Variants in LYZL4 observed in about 807,000 individuals in gnomAD.
LYZL4 encodes the protein lysozyme-like protein 4.
Under a neutral mutation model 17.6 loss-of-function variants are expected in LYZL4, and 13 were observed. The ratio of observed to expected loss-of-function variants is 0.74; its 90% CI spans 0.48 to 1.18. The LOEUF (loss-of-function observed/expected upper bound fraction) is 1.18, where lower values mean the gene tolerates loss of function less well. Ranked by LOEUF, LYZL4 falls within the 50% of genes most tolerant of loss-of-function variation. LYZL4 has a pLI of 0.00. For missense variants in LYZL4, 174 were observed against 188.2 expected (o/e 0.92, Z 0.44); for synonymous variants, 64 against 67.7 (o/e 0.95, Z 0.27).
chr3:42,389,803 T>C, the LYZL4 span, among the ~76,000 whole-genome samples: 1 of 152,154 alleles, frequency 6.6e-6, no homozygotes, highest in Admixed American at 6.5e-5. Flanking sequence ...GCCTTCCTAC[T>C]TATAGGAATC....
intron 4 of LYZL4, among the ~76,000 whole-genome samples, chr3:42,400,843 G>C (rs1237576394): frequency 6.6e-6 from 1 of 152,152 alleles, no homozygotes; most frequent in Non-Finnish European, 1.5e-5. Context: ...GGGTAGTGTA[G>C]GCCTGCCATC....
At position 42,404,046 on chromosome 3, in the gene LYZL4, C is replaced by G; in HGVS notation, c.371G>C (p.Trp124Ser). The G allele has an allele frequency of 1.3e-6, 2 of 1,598,106 alleles. No homozygotes were observed. The highest frequency in any genetic ancestry group is 1.7e-6 in the Non-Finnish European group (2 of 1,165,958). Residue 124 changes from tryptophan (W) to serine (S), a missense_variant and splice_region_variant, in exon 4 of 5, where the codon TGG becomes TCG. Physicochemically the swap from Trp to Ser is radical, Grantham distance 177. Transcript: ENST00000287748. ...GGCTACATAAAAATGTAAGACTTAC[C>G]ATGCTCCCATCCCTTCTTTTCCTTT... is the stretch of plus-strand genomic sequence containing the variant. ...IVKGKEGMGA[W>S]PTWSRYCQYS...
At chr3:42,390,874 A>G in the LYZL4 span, among the ~76,000 whole-genome samples, 2 of 152,218 alleles carry the variant, frequency 1.3e-5, no homozygotes, top group African/African-American at 4.8e-5. Context: ...AAGATGAATC[A>G]GCATGCCAGA....
chr3:42,376,611 G>T, the LYZL4 span, among the ~76,000 whole-genome samples: 1 of 152,228 alleles, frequency 6.6e-6, no homozygotes, highest in Admixed American at 6.5e-5. Flanking sequence ...CTGAGGGCCA[G>T]ACCCCAACGA....
At chr3:42,368,918 C>T in the LYZL4 span, among the ~76,000 whole-genome samples, 14 of 152,326 alleles carry the variant, frequency 9.2e-5, no homozygotes, top group African/African-American at 3.4e-4. Flanking sequence ...TTATTGGCCA[C>T]TTGTGGTTCT....
downstream of LYZL4, among the ~76,000 whole-genome samples, chr3:42,396,721 G>T (rs866395429): frequency 5.3e-5 from 8 of 152,330 alleles, no homozygotes; most frequent in Middle Eastern, 3.4e-3. Context: ...GCAAATATGT[G>T]TTATTTATAA....
At chr3:42,361,230 C>T in the LYZL4 span, among the ~76,000 whole-genome samples, 1 of 152,010 alleles carries the variant, frequency 6.6e-6, no homozygotes, top group Admixed American at 6.6e-5. Context: ...ATACGATATA[C>T]ACTATTCTGC....
chr3:42,391,463 C>G, the LYZL4 span, among the ~76,000 whole-genome samples: 1 of 152,010 alleles, frequency 6.6e-6, no homozygotes, highest in Non-Finnish European at 1.5e-5. Context: ...ATAGGTGGCC[C>G]AAAAGACAGT....
At position 42,398,609 on chromosome 3, in the gene LYZL4, C is replaced by T. The variant is rs1274259343; in HGVS notation, c.372-1275G>A. Among the ~76,000 whole-genome samples, 3 of 152,070 alleles carry T rather than the reference C, an allele frequency of 2.0e-5. No homozygotes were observed. In the East Asian group the frequency reaches 5.8e-4, roughly 29 times the overall value. ...CCATTTAAAAAATATAAACCTGAGT[C>T]CCTACACCTCACTTTTTATACCAAA... On this transcript the variant is annotated intron_variant, in intron 4 of 4. Transcript: ENST00000287748.
At chr3:42,383,439 CAA>C in the LYZL4 span, among the ~76,000 whole-genome samples, 3,060 of 108,822 alleles carry the variant, frequency 0.028, 79 homozygotes, top group East Asian at 0.072. Context: ...TGATTTCCAC[CAA>C]AAAAAAAAAA....
intron 3 of LYZL4, among the ~76,000 whole-genome samples, chr3:42,406,549 G>A (rs1219140794): frequency 1.4e-5 from 2 of 147,030 alleles, no homozygotes; most frequent in Non-Finnish European, 3.0e-5. Flanking sequence ...CTCTGCTCCC[G>A]CCCTTCAGGC....
At chr3:42,377,625 C>CTGTGTGTGTG in the LYZL4 span, among the ~76,000 whole-genome samples, 1,505 of 143,748 alleles carry the variant, frequency 0.01, 11 homozygotes, top group African/African-American at 0.019. Flanking sequence ...GCATGACTCT[C>CTGTGTGTGTG]TGTGTGTGTG....
intron 3 of LYZL4, among the ~76,000 whole-genome samples, chr3:42,405,188 A>G (rs1026072070): frequency 6.6e-6 from 1 of 152,164 alleles, no homozygotes; most frequent in Non-Finnish European, 1.5e-5. Flanking sequence ...AGCTGGGACT[A>G]TAGGCGCCTG....
At chr3:42,366,274 C>A in the LYZL4 span, among the ~76,000 whole-genome samples, 1 of 152,158 alleles carries the variant, frequency 6.6e-6, no homozygotes, top group Non-Finnish European at 1.5e-5. Flanking sequence ...TTGACCTGAT[C>A]TTTTCAGAAT....
downstream of LYZL4, among the ~76,000 whole-genome samples, chr3:42,392,930 T>G (rs1698504387): frequency 6.6e-6 from 1 of 152,022 alleles, no homozygotes; most frequent in South Asian, 2.1e-4. Flanking sequence ...TTCCAGGTGA[T>G]GAACTCAAGG....
chr3:42,394,848 G>A (rs1698530295), downstream of LYZL4, among the ~76,000 whole-genome samples: 1 of 152,198 alleles, frequency 6.6e-6, no homozygotes, highest in South Asian at 2.1e-4. Flanking sequence ...GCAGCGCGCT[G>A]GATTTGGCAC....
At chr3:42,402,318 T>TC in intron 4 of LYZL4, among the ~76,000 whole-genome samples, 1 of 146,540 alleles carries the variant, frequency 6.8e-6, no homozygotes, top group East Asian at 1.9e-4. Context: ...TTCTTTTCTT[T>TC]CTTTTTTTTT....
chr3:42,376,010 C>G, the LYZL4 span, among the ~76,000 whole-genome samples: 1 of 152,294 alleles, frequency 6.6e-6, no homozygotes, highest in East Asian at 1.9e-4. Context: ...CAGAATGGCA[C>G]CGCCTGCCAC....
the LYZL4 span, among the ~76,000 whole-genome samples, chr3:42,384,784 T>G: frequency 3.3e-5 from 5 of 150,802 alleles, no homozygotes; most frequent in African/African-American, 7.3e-5. Flanking sequence ...AAGGATGGGG[T>G]GTGTGTGTGT....
Sources: allele counts gnomAD v4.1 joint callset (sites outside exome capture counted in the v4.1 genomes callset), GRCh38; gene constraint gnomAD v4.1.1; transcripts MANE v1.5; gene names NCBI Gene and HGNC (gene_info 2026-07-23, HGNC 2026-07-21).